The following CNTNAP5 variants were observed in gnomAD, a reference collection of about 807,000 sequenced individuals.
CNTNAP5 encodes the protein contactin associated protein family member 5.
CNTNAP5 carries 72 observed loss-of-function variants against 150.2 expected under a neutral mutation model. The ratio of observed to expected loss-of-function variants is 0.48; its 90% confidence interval spans 0.40 to 0.58. The LOEUF (loss-of-function observed/expected upper bound fraction) is 0.58, where lower values mean the gene tolerates loss of function less well. CNTNAP5 is among the 20% of genes least tolerant of loss of function. The probability of loss-of-function intolerance (pLI) is 0.00; values close to 1 mark genes in which losing one functional copy is unlikely to be tolerated. For missense variants in CNTNAP5, 1,636 were observed against 1,626.2 expected, an observed-to-expected ratio of 1.01 and a Z score of -0.10; for synonymous variants, 672 against 619.8, an observed-to-expected ratio of 1.08 and a Z score of -1.25.
At chr2:124,546,029 C>A (rs1274629566) in intron 10 of CNTNAP5, among the ~76,000 whole-genome samples, 1 of 152,090 alleles carries the variant, frequency 6.6e-6, no homozygotes, top group Non-Finnish European at 1.5e-5. Flanking sequence ...TCTTTTAATG[C>A]AGTTGTTTGG....
intron 7 of CNTNAP5, among the ~76,000 whole-genome samples, chr2:124,476,010 G>T (rs1187294777): frequency 6.6e-6 from 1 of 151,884 alleles, no homozygotes; most frequent in Non-Finnish European, 1.5e-5. Context: ...TTCTTATCTA[G>T]TGTTAGAGTA....
chr2:124,212,829 C>CTTTTTTTTTT (rs66534077), intron 1 of CNTNAP5, among the ~76,000 whole-genome samples: 1 of 62,872 alleles, frequency 1.6e-5, no homozygotes, highest in Non-Finnish European at 2.7e-5. Flanking sequence ...GTAGATAAAT[C>CTTTTTTTTTT]TTTTTTTTTT....
chr2:124,430,908 T>G (rs1558898915), intron 4 of CNTNAP5, among the ~76,000 whole-genome samples: 1 of 152,192 alleles, frequency 6.6e-6, no homozygotes, highest in Non-Finnish European at 1.5e-5. Flanking sequence ...TAAGGAAATG[T>G]GGGGATAAAA....
chr2:124,830,949 G>T (rs1682703131), intron 19 of CNTNAP5, among the ~76,000 whole-genome samples: 1 of 151,954 alleles, frequency 6.6e-6, no homozygotes, highest in South Asian at 2.1e-4. Context: ...AATCTGAAAA[G>T]CTTCAAAAAG....
At chr2:124,753,523 C>T (rs1457660971) in intron 14 of CNTNAP5, among the ~76,000 whole-genome samples, 1 of 152,154 alleles carries the variant, frequency 6.6e-6, no homozygotes, top group Non-Finnish European at 1.5e-5. Context: ...AACCTACATG[C>T]CTTTTGCTAC....
At chr2:124,598,853 G>T (rs949372471) in intron 11 of CNTNAP5, among the ~76,000 whole-genome samples, 18 of 152,250 alleles carry the variant, frequency 1.2e-4, no homozygotes, top group Non-Finnish European at 1.3e-4. Flanking sequence ...GTGGTGCGCC[G>T]TTTTTTAAGC....
chr2:124,788,485 A>G (rs2104630514), intron 17 of CNTNAP5, among the ~76,000 whole-genome samples: 1 of 152,346 alleles, frequency 6.6e-6, no homozygotes, highest in East Asian at 1.9e-4. Flanking sequence ...GCACATATAT[A>G]TTAAGTAACT....
intron 1 of CNTNAP5, among the ~76,000 whole-genome samples, chr2:124,167,524 C>CAA (rs1684835181): frequency 6.6e-6 from 1 of 151,836 alleles, no homozygotes; most frequent in South Asian, 2.1e-4. Flanking sequence ...TTTTTTAAAG[C>CAA]AAAAAAGCAA....
intron 1 of CNTNAP5, among the ~76,000 whole-genome samples, chr2:124,050,473 T>C (rs1405922105): frequency 2.0e-5 from 3 of 151,704 alleles, no homozygotes; most frequent in Admixed American, 2.0e-4. Flanking sequence ...CAAAAAATAA[T>C]AAAAAAAGAA....
chr2:124,792,110 C>T (rs1024215109), intron 18 of CNTNAP5, among the ~76,000 whole-genome samples: 8 of 151,956 alleles, frequency 5.3e-5, no homozygotes, highest in Admixed American at 1.3e-4. Flanking sequence ...TTTACTATGG[C>T]GCAGTATATT....
At chr2:124,654,378 C>T (rs558898641) in intron 13 of CNTNAP5, among the ~76,000 whole-genome samples, 2 of 152,204 alleles carry the variant, frequency 1.3e-5, no homozygotes, top group South Asian at 4.1e-4. Flanking sequence ...ATTTGCTAAG[C>T]ACATAGACAT....
intron 13 of CNTNAP5, among the ~76,000 whole-genome samples, chr2:124,713,548 G>C (rs1296065658): frequency 6.6e-6 from 1 of 151,394 alleles, no homozygotes; most frequent in Non-Finnish European, 1.5e-5. Flanking sequence ...TCTAATTTTT[G>C]TATTTTTAGT....
chr2:124,538,260 G>A (rs1695288633), intron 10 of CNTNAP5, among the ~76,000 whole-genome samples: 1 of 152,078 alleles, frequency 6.6e-6, no homozygotes, highest in Non-Finnish European at 1.5e-5. Context: ...ACCCAGTTTG[G>A]TGGAGACCAG....
At chr2:124,723,393 C>G (rs1680089090) in intron 13 of CNTNAP5, among the ~76,000 whole-genome samples, 2 of 152,142 alleles carry the variant, frequency 1.3e-5, no homozygotes, top group South Asian at 4.1e-4. Context: ...TCGCATTTAA[C>G]ATTCATTGTA....
At chr2:124,496,999 C>T (rs764348700) in intron 7 of CNTNAP5, among the ~76,000 whole-genome samples, 1 of 152,188 alleles carries the variant, frequency 6.6e-6, no homozygotes, top group South Asian at 2.1e-4. Flanking sequence ...CCAGGTGACT[C>T]AAGGTCAGAC....
At chr2:124,152,429 G>T (rs1298525712) in intron 1 of CNTNAP5, among the ~76,000 whole-genome samples, 3 of 152,198 alleles carry the variant, frequency 2.0e-5, no homozygotes, top group African/African-American at 7.2e-5. Context: ...CCCAAAGCCT[G>T]TGAACAAATA....
intron 4 of CNTNAP5, among the ~76,000 whole-genome samples, chr2:124,426,054 CA>C (rs975494525): frequency 1.1e-4 from 16 of 150,522 alleles, no homozygotes; most frequent in Middle Eastern, 3.4e-3. Context: ...CAAAACAAAA[CA>C]AAAAAAAACC....
intron 2 of CNTNAP5, among the ~76,000 whole-genome samples, chr2:124,228,386 A>G (rs1481942207): frequency 6.6e-6 from 1 of 152,134 alleles, no homozygotes; most frequent in Admixed American, 6.5e-5. Flanking sequence ...CACAGATATA[A>G]CCAAAAATAA....
chr2:124,622,738 C>T (rs1296690564), intron 12 of CNTNAP5, among the ~76,000 whole-genome samples: 1 of 152,174 alleles, frequency 6.6e-6, no homozygotes, highest in Non-Finnish European at 1.5e-5. Flanking sequence ...CACACTCACA[C>T]ATGCACAAGT....
Sources: allele counts gnomAD v4.1 joint callset (sites outside exome capture counted in the v4.1 genomes callset), GRCh38; gene constraint gnomAD v4.1.1; transcripts MANE v1.5; gene names NCBI Gene and HGNC (gene_info 2026-07-23, HGNC 2026-07-21).